The following SPEF2 variants were observed in gnomAD, a reference collection of about 807,000 sequenced individuals.
SPEF2 encodes the protein sperm flagella and cilia-associated protein 2.
In SPEF2, 187 loss-of-function variants were observed where a neutral mutation model predicts 224.6. That is an observed-to-expected ratio of 0.83 (90% CI 0.74 to 0.94). The LOEUF is 0.94. SPEF2 is among the 40% of genes least tolerant of loss of function. SPEF2 has a pLI of 0.00. For missense variants in SPEF2, 2,170 were observed against 2,135.6 expected (o/e 1.02, Z -0.32); for synonymous variants, 715 against 707.3 (o/e 1.01, Z -0.17).
chr5:35,740,073 T>G (rs1427401405), intron 22 of SPEF2, 27 bp downstream of exon 22: 1 of 1,614,082 alleles, frequency 6.2e-7, no homozygotes, highest in Non-Finnish European at 8.5e-7. Flanking sequence ...AAGTCAGAAT[T>G]TTACAGTTTA....
At chr5:35,719,529 T>C (rs1217334617) in intron 20 of SPEF2, among the ~76,000 whole-genome samples, 1 of 152,096 alleles carries the variant, frequency 6.6e-6, no homozygotes, top group African/African-American at 2.4e-5. Context: ...CAACCATGGG[T>C]TTGTATCCTC....
At chr5:35,726,307 T>G (rs1174008090) in intron 20 of SPEF2, among the ~76,000 whole-genome samples, 4 of 152,184 alleles carry the variant, frequency 2.6e-5, no homozygotes, top group African/African-American at 9.6e-5. Context: ...GTTCTTCTTC[T>G]TAGGAATTTT....
rs1305783580 is a variant in SPEF2 at position 35,700,795 on chromosome 5, C to T, written c.2398+43C>T. 21 of 1,590,460 alleles carry T rather than the reference C, an allele frequency of 1.3e-5. No individual in the cohort carries two copies. In the Admixed American group the frequency reaches 3.6e-4, roughly 27 times the overall value. On this transcript the variant is annotated intron_variant, in intron 16 of 36. Coordinates refer to ENST00000356031, the MANE Select transcript of SPEF2 (RefSeq NM_024867.4). The stretch of plus-strand genomic sequence containing the variant: ...TTTGACACTCTTTTTACAATGAAAA[C>T]TCTTTGTTCTTTGAATCAGTGAATA...
intron 36 of SPEF2, among the ~76,000 whole-genome samples, chr5:35,811,932 C>T (rs371920679): frequency 9.5e-4 from 144 of 151,912 alleles, no homozygotes; most frequent in African/African-American, 3.4e-3. Flanking sequence ...CTACAGGTGC[C>T]TGCCACCACG....
intron 10 of SPEF2, among the ~76,000 whole-genome samples, chr5:35,684,862 C>G (rs944222318): frequency 6.6e-6 from 1 of 152,118 alleles, no homozygotes; most frequent in Non-Finnish European, 1.5e-5. Context: ...TCAAATTGGC[C>G]TTGGAATTAT....
At chr5:35,754,786 T>C (rs1750198359) in intron 24 of SPEF2, among the ~76,000 whole-genome samples, 1 of 152,212 alleles carries the variant, frequency 6.6e-6, no homozygotes, top group East Asian at 1.9e-4. Context: ...CAAGCTAAAA[T>C]AACAGGAATG....
chr5:35,682,878 AGGGGTAATCGGC>A (rs1561189875), intron 10 of SPEF2, among the ~76,000 whole-genome samples: 6 of 152,176 alleles, frequency 3.9e-5, no homozygotes, highest in African/African-American at 1.2e-4. Context: ...TGGTTTTTAC[AGGGGTAATCGGC>A]AGCATCATTC....
chr5:35,795,680 T>C, intron 32 of SPEF2, 23 bp from the exon 33 acceptor site: 1 of 1,600,690 alleles, frequency 6.2e-7, no homozygotes, highest in Admixed American at 1.7e-5. Flanking sequence ...CTTTAACAAT[T>C]TTCATTTTTA....
At chr5:35,662,714 G>A (rs943084350) in intron 8 of SPEF2, among the ~76,000 whole-genome samples, 2 of 152,082 alleles carry the variant, frequency 1.3e-5, no homozygotes, top group Non-Finnish European at 2.9e-5. Context: ...TGTTTGTCAG[G>A]TTTGTTGAAG....
At chr5:35,721,035 G>T (rs755293800) in intron 20 of SPEF2, among the ~76,000 whole-genome samples, 8 of 152,086 alleles carry the variant, frequency 5.3e-5, no homozygotes, top group African/African-American at 1.9e-4. Context: ...TACAAATTTT[G>T]CCAAAGAGCA....
intron 24 of SPEF2, among the ~76,000 whole-genome samples, chr5:35,756,185 T>A (rs1200186150): frequency 6.6e-6 from 1 of 152,180 alleles, no homozygotes; most frequent in African/African-American, 2.4e-5. Context: ...CATCCCTCTG[T>A]CCAGTGTATC....
intron 30 of SPEF2, chr5:35,788,686 C>T: frequency 1.4e-6 from 1 of 702,924 alleles, no homozygotes; most frequent in South Asian, 1.5e-5. Context: ...GTGATGGTAC[C>T]CATAGCATAG....
intron 18 of SPEF2, among the ~76,000 whole-genome samples, chr5:35,708,535 C>T (rs1196862423): frequency 6.1e-5 from 2 of 32,618 alleles, no homozygotes; most frequent in African/African-American, 1.3e-4. Flanking sequence ...CCATGCCAAC[C>T]ACCACCATCA....
Position 35,759,579 on chromosome 5 carries a change from C to T in SPEF2, c.3480C>T (p.Asn1160=), listed in dbSNP as rs1172863231. ...HFFSLMQAEL[N]RFQDTKRLLQ... ...ATTTGCTATTAAAGGCAGAGCTGAA[C>T]CGTTTCCAAGATACAAAGAGACTCC... The change falls in exon 25 of 37, where the codon AAC becomes AAT. Residue 1160 remains asparagine, a synonymous_variant. Coordinates refer to ENST00000356031, the MANE Select transcript of SPEF2 (RefSeq NM_024867.4). The T allele has an allele frequency of 6.3e-7, 1 of 1,591,264 alleles. No homozygotes were observed. Among genetic ancestry groups the T allele is most frequent in the Admixed American group, 1.7e-5 (1 of 59,386 alleles).
intron 19 of SPEF2, chr5:35,709,570 A>G (rs1437523868): frequency 2.0e-6 from 2 of 986,306 alleles, no homozygotes; most frequent in East Asian, 1.1e-4. Context: ...TAGAATTTAT[A>G]TGTAATTGTA....
chr5:35,734,709 C>CTTTTTTTTTTT (rs869188623), intron 21 of SPEF2, among the ~76,000 whole-genome samples: 2 of 31,200 alleles, frequency 6.4e-5, no homozygotes, highest in African/African-American at 2.2e-4. Flanking sequence ...TCTTTTTTTT[C>CTTTTTTTTTTT]TTTTTTTTTT....
At position 35,737,031 on chromosome 5, in the gene SPEF2, C is replaced by A. The variant is rs150251350; in HGVS notation, c.3064-2888C>A. On this transcript the variant is annotated intron_variant, in intron 21 of 36. Transcript: ENST00000356031. ...CATTGCTTTGATTGTGCTTTGTCTTCAGGATCATACTGATAAAGCTACATG... is the reference window on the plus strand; with the variant it reads ...CATTGCTTTGATTGTGCTTTGTCTTAAGGATCATACTGATAAAGCTACATG... Among the ~76,000 whole-genome samples the A allele has an allele frequency of 2.7e-3, 405 of 152,302 alleles. 1 individual carries two copies. The highest frequency in any genetic ancestry group is 9.6e-3 in the African/African-American group (398 of 41,576).
intron 10 of SPEF2, chr5:35,671,269 G>A: frequency 9.2e-6 from 9 of 976,240 alleles, no homozygotes; most frequent in Non-Finnish European, 1.1e-5. Context: ...ACACTAACAA[G>A]TAAATATTAC....
chr5:35,704,971 C>T (rs780260859), intron 17 of SPEF2, among the ~76,000 whole-genome samples: 4 of 152,096 alleles, frequency 2.6e-5, no homozygotes, highest in South Asian at 2.1e-4. Context: ...ATGCTGGTGA[C>T]GATGGTGGAA....
Sources: allele counts gnomAD v4.1 joint callset (sites outside exome capture counted in the v4.1 genomes callset), GRCh38; gene constraint gnomAD v4.1.1; transcripts MANE v1.5; gene names NCBI Gene and HGNC (gene_info 2026-07-23, HGNC 2026-07-21).